Variants in GPR37 observed in about 807,000 individuals in gnomAD.
GPR37 encodes prosaposin receptor GPR37.
GPR37 carries 20 observed loss-of-function variants against 43.6 expected under a neutral mutation model. That is an observed-to-expected ratio of 0.46 (90% CI 0.32 to 0.67). The LOEUF (loss-of-function observed/expected upper bound fraction) is 0.67. Ranked by LOEUF, GPR37 falls within the 30% of genes least tolerant of loss-of-function variation. GPR37 has a pLI of 0.03. For missense variants in GPR37, 724 were observed against 797.2 expected (o/e 0.91, Z 1.11); for synonymous variants, 315 against 322.6 (o/e 0.98, Z 0.25).
In GPR37 at chr7:124,744,315, C is replaced by G. The variant is rs912492391; in HGVS notation, c.*2210G>C. On this transcript the variant is annotated 3_prime_UTR_variant, in exon 2 of 2. Coordinates refer to ENST00000303921, the MANE Select transcript of GPR37 (RefSeq NM_005302.5). The stretch of plus-strand genomic sequence containing the variant: ...ACTCAAAAACCTTAAAAGCAAAGCC[C>G]CATTTCCTGAAGCACCACCATGTAA... 6.6e-6 allele frequency: 1 copy of G among 152,102 alleles called. No individual in the cohort carries two copies. Among genetic ancestry groups the G allele is most frequent in the African/African-American group, 2.4e-5 (1 of 41,428 alleles). 9.4% of individuals were successfully genotyped at this position (152,102 alleles called of 1,614,324 possible). A position where few individuals can be genotyped will look rare whatever the true frequency, so the allele number is the denominator to read the frequency against.
rs1489062651 is a variant in GPR37 at position 124,745,166 on chromosome 7, T to C, written c.*1359A>G. ...GGAAAAAGGAATACTGACTTACTTA[T>C]GCCGAGTAGAACAGAAATCAACAAG... On this transcript the variant is annotated 3_prime_UTR_variant, in exon 2 of 2. Coordinates refer to ENST00000303921, the MANE Select transcript of GPR37 (RefSeq NM_005302.5). The C allele has an allele frequency of 6.6e-6, 1 of 152,234 alleles. No individual in the cohort carries two copies. Among genetic ancestry groups the C allele is most frequent in the African/African-American group, 2.4e-5 (1 of 41,466 alleles). 9.4% of individuals were successfully genotyped at this position (152,234 alleles called of 1,614,324 possible). A position where few individuals can be genotyped will look rare whatever the true frequency, so the allele number is the denominator to read the frequency against.
intron 1 of GPR37, among the ~76,000 whole-genome samples, chr7:124,760,299 G>C (rs1406578582): frequency 2.0e-5 from 3 of 152,088 alleles, no homozygotes; most frequent in African/African-American, 7.2e-5. Context: ...AAGTCTTGAG[G>C]TCAGAGGCAA....
rs552122895 is a variant in GPR37 at position 124,755,873 on chromosome 7, A to G, written c.1023+8081T>C. ...ACCTTGGGGTTCTGATGAGTTTCCA[A>G]AAAGCAGTAACACATTTTTACCTAT... On this transcript the variant is annotated intron_variant, in intron 1 of 1. Transcript: ENST00000303921. Among the ~76,000 whole-genome samples, 111 of 152,266 alleles carry G rather than the reference A, an allele frequency of 7.3e-4. 1 individual carries two copies. Among genetic ancestry groups the G allele is most frequent in the African/African-American group, 2.6e-3 (109 of 41,560 alleles).
At chr7:124,761,041 C>T (rs1273440723) in intron 1 of GPR37, among the ~76,000 whole-genome samples, 1 of 151,826 alleles carries the variant, frequency 6.6e-6, no homozygotes, top group Non-Finnish European at 1.5e-5. Context: ...CACCCGTAGT[C>T]CCAGTTACTT....
In GPR37 at chr7:124,745,836, A is replaced by G. The variant is rs889575744; in HGVS notation, c.*689T>C. Among the ~76,000 whole-genome samples the G allele has an allele frequency of 2.5e-4, 38 of 152,208 alleles. No homozygotes were observed. The highest frequency in any genetic ancestry group is 9.2e-4 in the African/African-American group (38 of 41,456). The stretch of plus-strand genomic sequence containing the variant: ...ATTTGACATCTATACCTGAATATTA[A>G]AAATACAGCTTTGTTTTAACATACA... On this transcript the variant is annotated 3_prime_UTR_variant, in exon 2 of 2. Transcript: ENST00000303921.
At position 124,747,314 on chromosome 7, in the gene GPR37, G is replaced by A; in HGVS notation, c.1053C>T (p.Thr351=). The part of the protein sequence containing the change: ...EVASLGVTTF[T]LCALCIDRFR... ...AGCGGTCTATGCACAGAGCACATAA[G>A]GTGAAAGTGGTGACTCCCAGAGAAG... Residue 351 remains threonine (T), a synonymous_variant, in exon 2 of 2, where the codon ACC becomes ACT. Transcript: ENST00000303921. The A allele has an allele frequency of 1.2e-6, 2 of 1,612,456 alleles. No individual in the cohort carries two copies. Among genetic ancestry groups the A allele is most frequent in the Admixed American group, 1.7e-5 (1 of 59,896 alleles).
Position 124,763,687 on chromosome 7 carries a change from T to C in GPR37, c.1023+267A>G, listed in dbSNP as rs141621332. On this transcript the variant is annotated intron_variant, in intron 1 of 1. Transcript: ENST00000303921. ...ACGCATAACACCATATTCAGGGAGA[T>C]AGATTTATACTCCAAACAATTCTGT... 9.0e-4 allele frequency among the ~76,000 whole-genome samples: 137 copies of C among 152,218 alleles called. 1 individual carries two copies. The highest frequency in any genetic ancestry group is 3.1e-3 in the African/African-American group (127 of 41,520).
chr7:124,750,337 G>A (rs753748681), intron 1 of GPR37, among the ~76,000 whole-genome samples: 1 of 152,020 alleles, frequency 6.6e-6, no homozygotes, highest in Non-Finnish European at 1.5e-5. Context: ...ATGCTTCCCC[G>A]TCACTTTATA....
intron 1 of GPR37, among the ~76,000 whole-genome samples, chr7:124,748,392 T>G (rs2116309663): frequency 6.6e-6 from 1 of 152,198 alleles, no homozygotes; most frequent in African/African-American, 2.4e-5. Flanking sequence ...CCCAGGCACC[T>G]GGTTAAAATC....
At chr7:124,763,763 G>A (rs1004288131) in intron 1 of GPR37, among the ~76,000 whole-genome samples, 191 bp downstream of exon 1, 2 of 152,042 alleles carry the variant, frequency 1.3e-5, no homozygotes, top group African/African-American at 4.8e-5. Flanking sequence ...TGAATTTGAA[G>A]GTGATTTCGC....
chr7:124,754,307 G>A (rs2116317481), intron 1 of GPR37, among the ~76,000 whole-genome samples: 1 of 152,232 alleles, frequency 6.6e-6, no homozygotes, highest in Non-Finnish European at 1.5e-5. Context: ...ATGAAAACCA[G>A]TAATCTACAG....
Position 124,756,448 on chromosome 7 carries a change from T to A in GPR37, c.1023+7506A>T, listed in dbSNP as rs1793791101. Reference sequence around the variant, plus strand: ...GAACAAGACTGACACAGTGATCATATCCTGCGTTTTATGGAAGTTTATGAA... The same window carrying A: ...GAACAAGACTGACACAGTGATCATAACCTGCGTTTTATGGAAGTTTATGAA... On this transcript the variant is annotated intron_variant, in intron 1 of 1. Coordinates refer to ENST00000303921, the MANE Select transcript of GPR37 (RefSeq NM_005302.5). 2.6e-5 allele frequency among the ~76,000 whole-genome samples: 4 copies of A among 152,170 alleles called. No homozygotes were observed. The South Asian group carries it at 8.3e-4, about 31-fold the overall frequency.
At position 124,745,396 on chromosome 7, in the gene GPR37, C is replaced by G. The variant is rs1489990334; in HGVS notation, c.*1129G>C. Among the ~76,000 whole-genome samples the G allele has an allele frequency of 6.6e-6, 1 of 152,114 alleles. No homozygotes were observed. The highest frequency in any genetic ancestry group is 2.4e-5 in the African/African-American group (1 of 41,424). ...GCTGCATTTTAAACTCCAGAAGAGGCAAAAGAGGGGATTCAAATATTCCCA... is the reference window on the plus strand; with the variant it reads ...GCTGCATTTTAAACTCCAGAAGAGGGAAAAGAGGGGATTCAAATATTCCCA... On this transcript the variant is annotated 3_prime_UTR_variant, in exon 2 of 2. Transcript: ENST00000303921.
chr7:124,752,115 T>C (rs527800164), intron 1 of GPR37, among the ~76,000 whole-genome samples: 84 of 152,206 alleles, frequency 5.5e-4, no homozygotes, highest in Non-Finnish European at 9.1e-4. Flanking sequence ...ACAATAAAGC[T>C]CCTTCAGCTC....
intron 1 of GPR37, among the ~76,000 whole-genome samples, chr7:124,754,736 T>G (rs1209156224): frequency 6.6e-6 from 1 of 152,140 alleles, no homozygotes; most frequent in Non-Finnish European, 1.5e-5. Context: ...GGCATTATTG[T>G]TAAGAAAACC....
intron 1 of GPR37, among the ~76,000 whole-genome samples, chr7:124,759,057 A>C (rs1793823619): frequency 6.6e-6 from 1 of 150,514 alleles, no homozygotes; most frequent in African/African-American, 2.5e-5. Context: ...TGATGTCTGA[A>C]TTATTTGAAT....
At chr7:124,759,748 T>G (rs930881027) in intron 1 of GPR37, among the ~76,000 whole-genome samples, 1 of 152,204 alleles carries the variant, frequency 6.6e-6, no homozygotes, top group African/African-American at 2.4e-5. Flanking sequence ...ACATTCTCAC[T>G]CACGGCAATA....
rs2116331658 is a variant in GPR37, at chr7:124,764,983, G to C, written c.-7C>G. ...GCGCGCCCGGGGCTCGCATGGCTTG[G>C]TGAGGGCACACCCGGCAGCCGCAGC... On this transcript the variant is annotated 5_prime_UTR_variant, in exon 1 of 2. Coordinates refer to ENST00000303921, the MANE Select transcript of GPR37 (RefSeq NM_005302.5). This position sits in a 1 kb window ranked among gnomAD's most constrained non-coding sequence, Gnocchi z 5.4. The C allele has an allele frequency of 6.8e-7, 1 of 1,463,266 alleles. No individual in the cohort carries two copies. The highest frequency in any genetic ancestry group is 2.5e-5 in the East Asian group (1 of 40,252). 90.6% of individuals were successfully genotyped at this position (1,463,266 alleles called of 1,614,324 possible).
rs972359681 is a variant in GPR37 at position 124,746,783 on chromosome 7, G to C, written c.1584C>G (p.Asp528Glu). The part of the protein sequence containing the change: ...MATGVSQQTM[D>E]LLNIISQFLL... ...GGAACTGGCTGATGATATTAAGGAG[G>C]TCCATTGTCTGCTGTGAAACCCCTG... is the stretch of plus-strand genomic sequence containing the variant. Residue 528 changes from aspartate to glutamate, a missense_variant, in exon 2 of 2, where the codon GAC becomes GAG. Coordinates refer to ENST00000303921, the MANE Select transcript of GPR37 (RefSeq NM_005302.5). 1 of 1,614,026 alleles carries C rather than the reference G, an allele frequency of 6.2e-7. No individual in the cohort carries two copies. Among genetic ancestry groups the C allele is most frequent in the African/African-American group, 1.3e-5 (1 of 75,018 alleles).
Sources: allele counts gnomAD v4.1 joint callset (sites outside exome capture counted in the v4.1 genomes callset), GRCh38; gene constraint gnomAD v4.1.1; non-coding constraint Gnocchi (gnomAD v3.1); transcripts MANE v1.5; gene names NCBI Gene and HGNC (gene_info 2026-07-23, HGNC 2026-07-21).